Variants in CSMD2 observed in about 807,000 individuals in gnomAD.
The protein encoded by CSMD2 is CUB and sushi domain-containing protein 2.
In CSMD2, 130 loss-of-function variants were observed where a neutral mutation model predicts 398.5. That is an observed-to-expected ratio of 0.33 (90% confidence interval 0.28 to 0.38). CSMD2 has a LOEUF of 0.38. CSMD2 is among the 10% of genes least tolerant of loss of function. The pLI, the probability that CSMD2 is intolerant of heterozygous loss-of-function variation, is 1.00. For synonymous variants in CSMD2, 1,828 were observed against 1,908.5 expected (o/e 0.96, Z 1.10); for missense variants, 3,829 against 4,764.9 (o/e 0.80, Z 5.78).
At chr1:34,103,492 G>A (rs957835810) in intron 1 of CSMD2, among the ~76,000 whole-genome samples, 6 of 151,908 alleles carry the variant, frequency 3.9e-5, no homozygotes, top group Non-Finnish European at 7.4e-5. Context: ...TAGAGACGGG[G>A]TTTCACCGTG....
intron 40 of CSMD2, among the ~76,000 whole-genome samples, chr1:33,613,273 G>C (rs1641167626): frequency 6.6e-6 from 1 of 152,140 alleles, no homozygotes; most frequent in Non-Finnish European, 1.5e-5. Context: ...GACTTACAGG[G>C]AAAGCCACCT....
chr1:34,133,049 G>T (rs556142540), intron 1 of CSMD2, among the ~76,000 whole-genome samples: 1 of 149,610 alleles, frequency 6.7e-6, no homozygotes, highest in South Asian at 2.1e-4. Context: ...ACCAAACATT[G>T]GTTGGGCACC....
At chr1:33,542,166 A>G (rs1202350265) in intron 58 of CSMD2, among the ~76,000 whole-genome samples, 1 of 152,222 alleles carries the variant, frequency 6.6e-6, no homozygotes, top group African/African-American at 2.4e-5. Context: ...TGGATCCCAC[A>G]GTGACTCACT....
At chr1:33,521,674 G>T (rs1359064336) in intron 67 of CSMD2, 124 bp from the exon 68 acceptor site, 2 of 724,830 alleles carry the variant, frequency 2.8e-6, no homozygotes, top group Non-Finnish European at 5.0e-6. Flanking sequence ...CACAGGGTTT[G>T]TTCTCTGCCC....
chr1:33,984,941 G>A (rs1046992891), intron 3 of CSMD2, among the ~76,000 whole-genome samples: 2 of 152,086 alleles, frequency 1.3e-5, no homozygotes, highest in South Asian at 4.1e-4. Context: ...TATAAAAGAG[G>A]TGATGTTAAT....
intron 4 of CSMD2, among the ~76,000 whole-genome samples, chr1:33,931,553 G>C (rs1644313852): frequency 6.6e-6 from 1 of 152,064 alleles, no homozygotes. Context: ...CCCAGCCTTT[G>C]AGCAGAACCA....
At position 33,574,088 on chromosome 1, in the gene CSMD2, T is replaced by C. The variant is rs77886322; in HGVS notation, c.7577-1397A>G. 2.5e-3 allele frequency among the ~76,000 whole-genome samples: 382 copies of C among 152,290 alleles called. 1 individual carries two copies. The highest frequency in any genetic ancestry group is 8.8e-3 in the African/African-American group (366 of 41,564). ...CCAAACATGTGTGAGGGCAAAAAGA[T>C]AGACACTTTCAGACATGTAAAGTCT... On this transcript the variant is annotated intron_variant, in intron 49 of 70. Coordinates refer to ENST00000373381, the MANE Select transcript of CSMD2 (RefSeq NM_001281956.2).
intron 2 of CSMD2, among the ~76,000 whole-genome samples, chr1:34,037,975 T>C (rs2148176024): frequency 6.6e-6 from 1 of 152,280 alleles, no homozygotes; most frequent in African/African-American, 2.4e-5. Context: ...TAATCAGATA[T>C]TTACCACTGC....
intron 4 of CSMD2, among the ~76,000 whole-genome samples, chr1:33,925,309 C>T (rs1644088828): frequency 1.3e-5 from 2 of 152,122 alleles, no homozygotes; most frequent in South Asian, 2.1e-4. Context: ...AAGCGTCCTT[C>T]CCCTAATGCA....
chr1:34,046,892 T>C (rs892826447), intron 2 of CSMD2, among the ~76,000 whole-genome samples: 2 of 152,116 alleles, frequency 1.3e-5, no homozygotes, highest in Admixed American at 1.3e-4. Flanking sequence ...CCAGTTCTCA[T>C]CACCTTCATT....
intron 46 of CSMD2, 58 bp from the exon 47 acceptor site, chr1:33,583,888 A>G: frequency 1.4e-6 from 2 of 1,473,914 alleles, no homozygotes; most frequent in Non-Finnish European, 1.9e-6. Context: ...ACTACGGCCA[A>G]TACATTTGCT....
intron 3 of CSMD2, among the ~76,000 whole-genome samples, chr1:34,012,963 A>T (rs1647567228): frequency 6.6e-6 from 1 of 152,118 alleles, no homozygotes; most frequent in Non-Finnish European, 1.5e-5. Flanking sequence ...CCCATCTGCA[A>T]TGGGCCAGCA....
chr1:33,574,456 A>C (rs1205859199), intron 49 of CSMD2, among the ~76,000 whole-genome samples: 8 of 152,200 alleles, frequency 5.3e-5, no homozygotes, highest in African/African-American at 1.9e-4. Context: ...ACAGATGGAA[A>C]GATTAATCCG....
chr1:33,530,464 G>A (rs561260290), intron 64 of CSMD2, among the ~76,000 whole-genome samples: 16 of 152,328 alleles, frequency 1.1e-4, no homozygotes, highest in African/African-American at 3.8e-4. Flanking sequence ...TAAGGAGGTG[G>A]AGAAAAGGAA....
chr1:33,843,835 C>T (rs2125071123), intron 6 of CSMD2, among the ~76,000 whole-genome samples: 1 of 152,300 alleles, frequency 6.6e-6, no homozygotes, highest in African/African-American at 2.4e-5. Context: ...TCCCTGTGGT[C>T]CCCTCCTCCT....
At chr1:33,642,677 T>C (rs552000462) in intron 29 of CSMD2, among the ~76,000 whole-genome samples, 1 of 152,354 alleles carries the variant, frequency 6.6e-6, no homozygotes, top group South Asian at 2.1e-4. Context: ...TGTTAAAATA[T>C]AGAAACCTTT....
intron 25 of CSMD2, among the ~76,000 whole-genome samples, chr1:33,690,953 C>G (rs983891237): frequency 6.6e-6 from 1 of 152,150 alleles, no homozygotes; most frequent in Non-Finnish European, 1.5e-5. Context: ...TCAAAAGAGG[C>G]AGAAAGGACT....
At chr1:33,650,199 C>T (rs1274925258) in intron 28 of CSMD2, among the ~76,000 whole-genome samples, 1 of 152,172 alleles carries the variant, frequency 6.6e-6, no homozygotes, top group Non-Finnish European at 1.5e-5. Context: ...GTGCAAGGTG[C>T]CAAGGACATG....
At chr1:33,908,943 G>A (rs149098522) in intron 5 of CSMD2, among the ~76,000 whole-genome samples, 1 of 152,208 alleles carries the variant, frequency 6.6e-6, no homozygotes, top group Non-Finnish European at 1.5e-5. Context: ...ATCAAAAAAG[G>A]ACAGTTACTT....
Sources: allele counts gnomAD v4.1 joint callset (sites outside exome capture counted in the v4.1 genomes callset), GRCh38; gene constraint gnomAD v4.1.1; transcripts MANE v1.5; gene names NCBI Gene and HGNC (gene_info 2026-07-23, HGNC 2026-07-21).